SLFN12L: variants seen among roughly 807,000 people sequenced by gnomAD.
SLFN12L encodes the protein schlafen family member 12-like.
SLFN12L carries 34 observed loss-of-function variants against 34.8 expected under a neutral mutation model. That is an observed-to-expected ratio of 0.98 (90% CI 0.74 to 1.30). The LOEUF is 1.30. Ranked by LOEUF, SLFN12L falls within the 50% of genes most tolerant of loss-of-function variation. The pLI is 0.00. For missense variants in SLFN12L, 703 were observed against 696.2 expected, an observed-to-expected ratio of 1.01 and a Z score of -0.11; for synonymous variants, 259 against 247.5, an observed-to-expected ratio of 1.05 and a Z score of -0.44.
intron 2 of SLFN12L, among the ~76,000 whole-genome samples, chr17:35,492,968 A>AC (rs1308377447): frequency 1.6e-3 from 110 of 68,474 alleles, no homozygotes; most frequent in Non-Finnish European, 2.4e-3. Flanking sequence ...GGAAAAAAAA[A>AC]ACACACACAC....
rs73281443 is a variant in SLFN12L at position 35,478,341 on chromosome 17, A to T, written c.1166-156T>A. ...TATTGTGGTTACATATTGTGGTTAG[A>T]TTCCTAGGTCAGATACAAATTGTAA... On this transcript the variant is annotated intron_variant, in intron 3 of 4. Coordinates refer to ENST00000628453, the MANE Select transcript of SLFN12L (RefSeq NM_001363830.2). 6.6e-4 allele frequency: 341 copies of T among 516,626 alleles called. 3 individuals are homozygous for T. Among genetic ancestry groups the T allele is most frequent in the African/African-American group, 6.5e-3 (315 of 48,782 alleles). The allele number at this position is 516,626 out of a possible 1,614,324, so 32.0% of individuals were successfully genotyped here. A position where few individuals can be genotyped will look rare whatever the true frequency, so the allele number is the denominator to read the frequency against.
intron 1 of SLFN12L, among the ~76,000 whole-genome samples, chr17:35,526,319 G>T (rs1305889941): frequency 2.0e-5 from 3 of 152,108 alleles, no homozygotes; most frequent in African/African-American, 4.8e-5. Flanking sequence ...AATTAACAAG[G>T]ATATTCAGGA....
chr17:35,518,317 C>T (rs1209991533), intron 2 of SLFN12L, among the ~76,000 whole-genome samples: 19 of 152,064 alleles, frequency 1.2e-4, no homozygotes, highest in Admixed American at 9.8e-4. Flanking sequence ...TTTGGGATGC[C>T]GAGGTGGGTG....
Position 35,474,880 on chromosome 17 carries a change from G to A in SLFN12L, c.*43C>T, listed in dbSNP as rs139184648. The A allele has an allele frequency of 1.4e-3, 2,032 of 1,488,486 alleles. 27 individuals are homozygous for A. In the African/African-American group the frequency reaches 0.025, roughly 18 times the overall value. The allele number at this position is 1,488,486 out of a possible 1,614,324, so 92.2% of individuals were successfully genotyped here. On this transcript the variant is annotated 3_prime_UTR_variant, in exon 5 of 5. Coordinates refer to ENST00000628453, the MANE Select transcript of SLFN12L (RefSeq NM_001363830.2). ...CAGGAGGCAGAGGTTGCAGTGAGTCGAGATCGTGTCACTACACTCCAGTCT... is the reference window on the plus strand; with the variant it reads ...CAGGAGGCAGAGGTTGCAGTGAGTCAAGATCGTGTCACTACACTCCAGTCT...
At chr17:35,495,731 C>T (rs568495756) in intron 2 of SLFN12L, among the ~76,000 whole-genome samples, 1 of 150,710 alleles carries the variant, frequency 6.6e-6, no homozygotes, top group South Asian at 2.1e-4. Context: ...GGTGCCCACT[C>T]GACCCTTTTC....
At chr17:35,514,872 G>A in intron 2 of SLFN12L, 1 of 404,108 alleles carries the variant, frequency 2.5e-6, no homozygotes, top group Non-Finnish European at 4.8e-6. Flanking sequence ...AGAGTTTGTT[G>A]TAACACTTGC....
At chr17:35,489,419 G>A (rs772332950) in intron 2 of SLFN12L, among the ~76,000 whole-genome samples, 9 of 152,084 alleles carry the variant, frequency 5.9e-5, no homozygotes, top group Non-Finnish European at 8.8e-5. Flanking sequence ...CGGGCGTGGT[G>A]GCAGTGCACT....
At chr17:35,505,266 A>G (rs1179174685) in intron 2 of SLFN12L, among the ~76,000 whole-genome samples, 2 of 152,270 alleles carry the variant, frequency 1.3e-5, no homozygotes, top group Non-Finnish European at 2.9e-5. Context: ...CTTTAACACT[A>G]TATGTGTCAG....
intron 1 of SLFN12L, among the ~76,000 whole-genome samples, chr17:35,530,609 T>C (rs1262814899): frequency 6.6e-6 from 1 of 151,170 alleles, no homozygotes; most frequent in Non-Finnish European, 1.5e-5. Flanking sequence ...ATGTAGATAG[T>C]GGGGGAAATG....
chr17:35,518,466 G>A (rs1915901860), intron 2 of SLFN12L, among the ~76,000 whole-genome samples: 1 of 151,400 alleles, frequency 6.6e-6, no homozygotes, highest in South Asian at 2.1e-4. Context: ...GAGGAGAATT[G>A]CTTGAAGCCA....
chr17:35,498,689 C>T (rs1348865976), intron 2 of SLFN12L: 3 of 1,582,210 alleles, frequency 1.9e-6, no homozygotes, highest in Admixed American at 1.8e-5. Context: ...TTCGAGCATT[C>T]CTAGATAACA....
chr17:35,474,660 A>C lies in SLFN12L; in HGVS notation c.*263T>G. ...TCTCCAGCCGGGCGCGGTGGCTCAC[A>C]TCTGTACTCCTAGCACTTTGGGAGA... On this transcript the variant is annotated 3_prime_UTR_variant, in exon 5 of 5. Transcript: ENST00000628453. 1 of 350,818 alleles carries C rather than the reference A, an allele frequency of 2.9e-6. No individual in the cohort carries two copies. The highest frequency in any genetic ancestry group is 2.3e-5 in the African/African-American group (1 of 42,646). 21.7% of individuals were successfully genotyped at this position (350,818 alleles called of 1,614,324 possible). A position where few individuals can be genotyped will look rare whatever the true frequency, so the allele number is the denominator to read the frequency against.
intron 2 of SLFN12L, among the ~76,000 whole-genome samples, chr17:35,511,338 G>C (rs1449678919): frequency 6.6e-6 from 1 of 152,074 alleles, no homozygotes; most frequent in Non-Finnish European, 1.5e-5. Flanking sequence ...GTTTCAACAA[G>C]GTCAGAAAGA....
intron 2 of SLFN12L, among the ~76,000 whole-genome samples, chr17:35,517,497 C>G (rs1382364822): frequency 6.6e-6 from 1 of 152,166 alleles, no homozygotes; most frequent in East Asian, 1.9e-4. Context: ...AGATTCAATG[C>G]TATTCCCATC....
intron 1 of SLFN12L, among the ~76,000 whole-genome samples, chr17:35,527,560 A>G (rs1186283141): frequency 1.3e-5 from 2 of 152,204 alleles, no homozygotes; most frequent in Non-Finnish European, 2.9e-5. Context: ...ACGCAAATCA[A>G]TAAACGTAAT....
At chr17:35,503,791 A>G (rs905183570) in intron 2 of SLFN12L, among the ~76,000 whole-genome samples, 50 of 152,202 alleles carry the variant, frequency 3.3e-4, no homozygotes, top group African/African-American at 1.2e-3. Context: ...CAGCCTGAAG[A>G]TCATGTTCTC....
At position 35,475,148 on chromosome 17, in the gene SLFN12L, T is replaced by G; in HGVS notation, c.1614A>C (p.Thr538=). ...CTTCAGGGCTCAAGTAGAAGATCTT[T>G]GTCATGACACACACTTTTTTAGTGT... ...GGYTKKVCVM[T]KIFYLSPEGK... Residue 538 remains threonine (T), a synonymous_variant, in exon 5 of 5, where the codon ACA becomes ACC. Transcript: ENST00000628453. 6.2e-7 allele frequency: 1 copy of G among 1,614,212 alleles called. No homozygotes were observed. The highest frequency in any genetic ancestry group is 8.5e-7 in the Non-Finnish European group (1 of 1,180,032).
intron 1 of SLFN12L, among the ~76,000 whole-genome samples, chr17:35,527,117 G>A (rs1313919036): frequency 6.6e-6 from 1 of 152,306 alleles, no homozygotes; most frequent in Non-Finnish European, 1.5e-5. Flanking sequence ...TAGAAGAAAT[G>A]GATAAATTCC....
intron 1 of SLFN12L, among the ~76,000 whole-genome samples, chr17:35,530,419 AAGGAAGG>A (rs2072385390): frequency 5.4e-5 from 1 of 18,456 alleles, no homozygotes; most frequent in Non-Finnish European, 1.1e-4. Flanking sequence ...GGAAGGAAGG[AAGGAAGG>A]AAGGGAAGGG....
Sources: allele counts gnomAD v4.1 joint callset (sites outside exome capture counted in the v4.1 genomes callset), GRCh38; gene constraint gnomAD v4.1.1; transcripts MANE v1.5; gene names NCBI Gene and HGNC (gene_info 2026-07-23, HGNC 2026-07-21).